Variants in PAX5 observed in about 807,000 individuals in gnomAD.
The protein encoded by PAX5 is paired box 5.
In PAX5, 9 loss-of-function variants were observed where a neutral mutation model predicts 43.7. The ratio of observed to expected loss-of-function variants is 0.21; its 90% CI spans 0.12 to 0.36. The LOEUF (loss-of-function observed/expected upper bound fraction) is 0.36, where lower values mean the gene tolerates loss of function less well. Among genes scored for constraint, PAX5 ranks in the 10% least tolerant of loss-of-function variants. The pLI, the probability that PAX5 is intolerant of heterozygous loss-of-function variation, is 1.00. For missense variants in PAX5, 383 were observed against 532.7 expected (o/e 0.72, Z 2.77); for synonymous variants, 228 against 214.3 (o/e 1.06, Z -0.56).
chr9:36,949,944 C>T (rs184867045), intron 6 of PAX5, among the ~76,000 whole-genome samples: 1 of 152,246 alleles, frequency 6.6e-6, no homozygotes, highest in South Asian at 2.1e-4. Flanking sequence ...CACCTACCCT[C>T]GACCTCCCTA....
At chr9:36,919,839 C>CAAAAA (rs61173333) in intron 7 of PAX5, among the ~76,000 whole-genome samples, 42 of 66,218 alleles carry the variant, frequency 6.3e-4, no homozygotes, top group East Asian at 1.4e-3. Flanking sequence ...GACTCTGTCT[C>CAAAAA]AAAAAAAAAA....
intron 1 of PAX5, among the ~76,000 whole-genome samples, chr9:37,022,384 A>G (rs1839925427): frequency 6.6e-6 from 1 of 152,244 alleles, no homozygotes; most frequent in Admixed American, 6.5e-5. Flanking sequence ...AGCCTTCAGA[A>G]GGCTTTGTTC....
intron 8 of PAX5, among the ~76,000 whole-genome samples, chr9:36,867,350 G>A (rs1174485322): frequency 6.6e-6 from 1 of 152,138 alleles, no homozygotes; most frequent in African/African-American, 2.4e-5. Flanking sequence ...AGCAATTTCT[G>A]GGCTGTAACA....
At chr9:36,862,641 C>T (rs1054172823) in intron 8 of PAX5, among the ~76,000 whole-genome samples, 2 of 152,146 alleles carry the variant, frequency 1.3e-5, no homozygotes, top group African/African-American at 4.8e-5. Context: ...TGGCTGGGGG[C>T]GTTTGGTCTG....
chr9:36,875,421 C>T (rs569397261), intron 8 of PAX5, among the ~76,000 whole-genome samples: 6 of 152,212 alleles, frequency 3.9e-5, no homozygotes, highest in Admixed American at 6.5e-5. Context: ...CGGAGGGGAA[C>T]GAGTAAACCA....
At chr9:36,874,833 G>A (rs1368004727) in intron 8 of PAX5, among the ~76,000 whole-genome samples, 1 of 152,122 alleles carries the variant, frequency 6.6e-6, no homozygotes, top group Non-Finnish European at 1.5e-5. Flanking sequence ...TCTGTTCACC[G>A]CCCTATCCAG....
In PAX5 at chr9:36,980,109, G is replaced by A. The variant is rs181550837; in HGVS notation, c.605-13385C>T. ...CCCAATGCACTGCTATGGTTCCTTCGTGGCATTTAATTTAATTTTCCCAAC... is the reference window on the plus strand; with the variant it reads ...CCCAATGCACTGCTATGGTTCCTTCATGGCATTTAATTTAATTTTCCCAAC... On this transcript the variant is annotated intron_variant, in intron 5 of 9. Coordinates refer to ENST00000358127, the MANE Select transcript of PAX5 (RefSeq NM_016734.3). 9.2e-5 allele frequency among the ~76,000 whole-genome samples: 14 copies of A among 152,308 alleles called. No homozygotes were observed. The South Asian group carries it at 1.9e-3, about 20-fold the overall frequency.
chr9:36,892,621 T>C (rs555353879), intron 7 of PAX5, among the ~76,000 whole-genome samples: 1 of 152,184 alleles, frequency 6.6e-6, no homozygotes. Context: ...GAATACAAAA[T>C]GCACGCTCCC....
intron 7 of PAX5, among the ~76,000 whole-genome samples, chr9:36,917,858 C>T (rs377177486): frequency 5.3e-5 from 8 of 152,340 alleles, no homozygotes; most frequent in East Asian, 3.9e-4. Flanking sequence ...GTAATTTTTG[C>T]GACATTTCAC....
intron 1 of PAX5, among the ~76,000 whole-genome samples, chr9:37,029,932 A>G (rs925740728): frequency 2.6e-5 from 4 of 152,136 alleles, no homozygotes; most frequent in Non-Finnish European, 4.4e-5. Flanking sequence ...ACCTTTCTCA[A>G]AAGCGCCTCT....
At chr9:36,891,907 T>C (rs955712352) in intron 7 of PAX5, among the ~76,000 whole-genome samples, 1 of 152,152 alleles carries the variant, frequency 6.6e-6, no homozygotes, top group African/African-American at 2.4e-5. Flanking sequence ...CCCTCCTCAC[T>C]CCTTCCTCTG....
At chr9:36,897,835 C>G (rs932550354) in intron 7 of PAX5, among the ~76,000 whole-genome samples, 5 of 152,266 alleles carry the variant, frequency 3.3e-5, no homozygotes, top group African/African-American at 4.8e-5. Flanking sequence ...GTGAGTAGAT[C>G]TAAGAATGCC....
At chr9:36,978,471 A>C (rs1291755603) in intron 5 of PAX5, among the ~76,000 whole-genome samples, 2 of 151,952 alleles carry the variant, frequency 1.3e-5, no homozygotes, top group Admixed American at 6.6e-5. Flanking sequence ...CTTCATGCAC[A>C]CAGCAGTCTC....
At chr9:36,924,325 G>A (rs1830412540) in intron 6 of PAX5, among the ~76,000 whole-genome samples, 1 of 152,164 alleles carries the variant, frequency 6.6e-6, no homozygotes, top group Non-Finnish European at 1.5e-5. Context: ...AGGCAGCAAA[G>A]GCACCAACCT....
At chr9:37,009,892 G>A (rs1031393892) in intron 3 of PAX5, among the ~76,000 whole-genome samples, 6 of 152,048 alleles carry the variant, frequency 3.9e-5, no homozygotes, top group Non-Finnish European at 8.8e-5. Flanking sequence ...GGAGGGGAAG[G>A]TAGCCACTCT....
chr9:37,001,307 C>T (rs1837830415), intron 5 of PAX5, among the ~76,000 whole-genome samples: 1 of 152,210 alleles, frequency 6.6e-6, no homozygotes, highest in Admixed American at 6.5e-5. Flanking sequence ...GGGGGAGTCT[C>T]ACACAATCTG....
intron 2 of PAX5, among the ~76,000 whole-genome samples, chr9:37,016,838 G>A (rs930331927): frequency 6.6e-6 from 1 of 152,190 alleles, no homozygotes; most frequent in African/African-American, 2.4e-5. Flanking sequence ...TCTCAGCCTG[G>A]GTATGTTTGG....
At chr9:36,880,259 C>A (rs10119448) in intron 8 of PAX5, among the ~76,000 whole-genome samples, 1 of 152,200 alleles carries the variant, frequency 6.6e-6, no homozygotes, top group East Asian at 1.9e-4. Flanking sequence ...GCCTTGCACA[C>A]GCATGTGTGG....
intron 8 of PAX5, among the ~76,000 whole-genome samples, chr9:36,867,072 C>G (rs1275729831): frequency 6.7e-6 from 1 of 148,890 alleles, no homozygotes; most frequent in Non-Finnish European, 1.5e-5. Context: ...GGGGGGGGGC[C>G]TTGGTTGGTC....
Sources: gnomAD v4.1 joint callset for allele counts (sites outside exome capture counted in the v4.1 genomes callset) on GRCh38, gnomAD v4.1.1 for gene constraint, MANE v1.5 for transcripts, NCBI Gene and HGNC (gene_info 2026-07-23, HGNC 2026-07-21) for gene names.